Variants in APP observed in about 807,000 individuals in gnomAD.
APP encodes amyloid beta precursor protein, also known as amyloid-beta precursor protein.
A neutral mutation model predicts 101.4 loss-of-function variants in APP; 31 were observed. The ratio of observed to expected loss-of-function variants is 0.31; its 90% CI spans 0.23 to 0.41. The LOEUF is 0.41. Among genes scored for constraint, APP ranks in the 10% least tolerant of loss-of-function variants. The probability of loss-of-function intolerance (pLI) is 1.00; values close to 1 mark genes in which losing one functional copy is unlikely to be tolerated. For synonymous variants in APP, 366 were observed against 364.4 expected, an observed-to-expected ratio of 1.00 and a Z score of -0.05; for missense variants, 839 against 1,003.7, an observed-to-expected ratio of 0.84 and a Z score of 2.22.
intron 15 of APP, among the ~76,000 whole-genome samples, chr21:25,902,038 C>T (rs528178351): frequency 6.6e-6 from 1 of 152,192 alleles, no homozygotes; most frequent in South Asian, 2.1e-4. Flanking sequence ...CCACTATGCC[C>T]CCAAATCACC....
chr21:26,129,241 G>A (rs930022709), intron 1 of APP, among the ~76,000 whole-genome samples: 1 of 152,142 alleles, frequency 6.6e-6, no homozygotes, highest in Non-Finnish European at 1.5e-5. Flanking sequence ...GGGAAGCCGA[G>A]GCAGGTGGAT....
Position 26,101,395 on chromosome 21 carries a change from C to A in APP, c.225+10584G>T, listed in dbSNP as rs563672589. ...TACAGGTGTGAGCCATGGCACCCGG[C>A]CCAAGTTCTCTCTTTAAAAGAGGAA... On this transcript the variant is annotated intron_variant, in intron 2 of 17. Transcript: ENST00000346798. Among the ~76,000 whole-genome samples, 120 of 152,232 alleles carry A rather than the reference C, an allele frequency of 7.9e-4. 1 individual carries two copies. The highest frequency in any genetic ancestry group is 2.8e-3 in the African/African-American group (116 of 41,556).
intron 1 of APP, among the ~76,000 whole-genome samples, chr21:26,167,359 C>T (rs1405155084): frequency 6.6e-6 from 1 of 152,148 alleles, no homozygotes; most frequent in East Asian, 1.9e-4. Flanking sequence ...TTTATCTTTA[C>T]ATTTGTAATT....
chr21:25,895,211 T>C (rs931354759), intron 16 of APP, among the ~76,000 whole-genome samples: 10 of 151,576 alleles, frequency 6.6e-5, no homozygotes, highest in African/African-American at 2.4e-4. Flanking sequence ...CTTGCTCTTG[T>C]TGCCCAGGCT....
chr21:26,170,732 C>G lies in APP; in HGVS notation c.-112G>C. ...TCTCCCGGGGCCCCCGCGCACGCTCCTCCGCGTGCTCTCGCCTACCGCTGC... is the reference window on the plus strand; with the variant it reads ...TCTCCCGGGGCCCCCGCGCACGCTCGTCCGCGTGCTCTCGCCTACCGCTGC... On this transcript the variant is annotated 5_prime_UTR_variant, in exon 1 of 18. Coordinates refer to ENST00000346798, the MANE Select transcript of APP (RefSeq NM_000484.4). The G allele has an allele frequency of 6.2e-6, 7 of 1,126,158 alleles. No individual in the cohort carries two copies. The highest frequency in any genetic ancestry group is 7.1e-6 in the Non-Finnish European group (6 of 840,162). The allele number at this position is 1,126,158 out of a possible 1,614,324, so 69.8% of individuals were successfully genotyped here.
At chr21:25,920,581 G>T (rs1333163752) in intron 13 of APP, among the ~76,000 whole-genome samples, 1 of 151,988 alleles carries the variant, frequency 6.6e-6, no homozygotes, top group Middle Eastern at 3.4e-3. Context: ...TGCAATCCTA[G>T]TCTCTGATAA....
At chr21:26,066,387 A>G (rs1171168258) in intron 3 of APP, among the ~76,000 whole-genome samples, 1 of 152,042 alleles carries the variant, frequency 6.6e-6, no homozygotes, top group Non-Finnish European at 1.5e-5. Flanking sequence ...TCGTTGTACA[A>G]CCATCACTAC....
In APP at chr21:25,880,763, T is replaced by TAAA. The variant is rs2036934654; in HGVS notation, c.*906_*907insTTT. 1 of 152,280 alleles carries TAAA rather than the reference T, an allele frequency of 6.6e-6. No homozygotes were observed. The highest frequency in any genetic ancestry group is 1.5e-5 in the Non-Finnish European group (1 of 68,042). 9.4% of individuals were successfully genotyped at this position (152,280 alleles called of 1,614,324 possible). On this transcript the variant is annotated 3_prime_UTR_variant, in exon 18 of 18. Coordinates refer to ENST00000346798, the MANE Select transcript of APP (RefSeq NM_000484.4). ...CCCCACCCAAAATTACTTCGATTAT[T>TAAA]TAATGTCTGTAGTCATCCTTCAAAG...
chr21:26,037,079 T>A (rs1232000720), intron 5 of APP, among the ~76,000 whole-genome samples: 7 of 152,124 alleles, frequency 4.6e-5, no homozygotes, highest in Admixed American at 2.0e-4. Context: ...GCAACATGGA[T>A]GGAACTGGAG....
At chr21:25,941,232 T>TAAGAGC (rs1356035739) in intron 13 of APP, 1 of 152,238 alleles carries the variant, frequency 6.6e-6, no homozygotes, top group Non-Finnish European at 1.5e-5. Flanking sequence ...GCTATGGATA[T>TAAGAGC]AAGATCAGCC....
chr21:26,063,120 C>T (rs1361453906), intron 3 of APP, among the ~76,000 whole-genome samples: 1 of 152,116 alleles, frequency 6.6e-6, no homozygotes, highest in African/African-American at 2.4e-5. Context: ...CAATTAAGTA[C>T]ATAGATGGTG....
intron 15 of APP, among the ~76,000 whole-genome samples, chr21:25,900,620 G>A (rs972571553): frequency 6.6e-5 from 10 of 152,022 alleles, no homozygotes; most frequent in African/African-American, 2.4e-4. Context: ...ATATTTCTGA[G>A]ATTTTTAAGA....
chr21:26,118,232 T>C (rs914048496), intron 1 of APP, among the ~76,000 whole-genome samples: 1 of 152,166 alleles, frequency 6.6e-6, no homozygotes, highest in East Asian at 1.9e-4. Context: ...ATAACCAACA[T>C]TTGAAGCATG....
At chr21:25,898,707 G>C (rs148943205) in intron 15 of APP, among the ~76,000 whole-genome samples, 1 of 152,150 alleles carries the variant, frequency 6.6e-6, no homozygotes. Flanking sequence ...ATTCAACACA[G>C]AGCAAGCCTA....
chr21:25,982,554 C>A, intron 8 of APP, 77 bp from the exon 9 acceptor site: 1 of 1,429,574 alleles, frequency 7.0e-7, no homozygotes, highest in Non-Finnish European at 9.8e-7. Context: ...TAATAGAAAG[C>A]CGTATTTTCA....
At chr21:25,987,261 T>C (rs1474254888) in intron 8 of APP, among the ~76,000 whole-genome samples, 2 of 152,196 alleles carry the variant, frequency 1.3e-5, no homozygotes, top group Non-Finnish European at 2.9e-5. Flanking sequence ...GTTCTGGCCT[T>C]GGGTCCCTCC....
intron 6 of APP, among the ~76,000 whole-genome samples, chr21:26,010,749 C>T (rs1286752637): frequency 7.6e-6 from 1 of 131,714 alleles, no homozygotes; most frequent in African/African-American, 2.9e-5. Flanking sequence ...TGAACCTGGG[C>T]AGCAGAGGTT....
intron 11 of APP, among the ~76,000 whole-genome samples, chr21:25,966,083 T>C (rs1274552624): frequency 6.6e-6 from 1 of 152,220 alleles, no homozygotes; most frequent in Admixed American, 6.5e-5. Context: ...TAATGTTCTA[T>C]GTAACTTAAT....
At chr21:26,136,199 AAG>A (rs1491051361) in intron 1 of APP, among the ~76,000 whole-genome samples, 1 of 131,482 alleles carries the variant, frequency 7.6e-6, no homozygotes, top group Admixed American at 8.3e-5. Context: ...GAAAGAAAGA[AAG>A]AAAAGAAAAG....
Sources: gnomAD v4.1 joint callset for allele counts (sites outside exome capture counted in the v4.1 genomes callset) on GRCh38, gnomAD v4.1.1 for gene constraint, MANE v1.5 for transcripts, NCBI Gene and HGNC (gene_info 2026-07-23, HGNC 2026-07-21) for gene names.